The following PTN variants were observed in gnomAD, a reference collection of about 807,000 sequenced individuals.
The protein encoded by PTN is pleiotrophin, also known as heparin affin regulatory protein.
In PTN, 18 loss-of-function variants were observed where a neutral mutation model predicts 24.1. That is an observed-to-expected ratio of 0.75 (90% CI 0.52 to 1.11). PTN has a LOEUF of 1.11. PTN is among the 50% of genes least tolerant of loss of function. The pLI is 0.00. For missense variants in PTN, 163 were observed against 198.8 expected (o/e 0.82, Z 1.08); for synonymous variants, 78 against 68.6 (o/e 1.14, Z -0.67).
chr7:137,235,351 C>T (rs1808500902), intron 4 of PTN, among the ~76,000 whole-genome samples: 2 of 152,258 alleles, frequency 1.3e-5, no homozygotes, highest in East Asian at 3.9e-4. Flanking sequence ...GAATTGTGAA[C>T]ATACAGCTCA....
chr7:137,294,248 A>G (rs1044520124), intron 1 of PTN, among the ~76,000 whole-genome samples: 1 of 152,068 alleles, frequency 6.6e-6, no homozygotes, highest in African/African-American at 2.4e-5. Context: ...GGTGTTGAAT[A>G]CAGTCTGCTT....
chr7:137,330,162 C>A (rs553485882), intron 1 of PTN, among the ~76,000 whole-genome samples: 11 of 152,120 alleles, frequency 7.2e-5, no homozygotes, highest in Non-Finnish European at 1.3e-4. Context: ...TAACATGGGC[C>A]TGTAATCCCA....
At chr7:137,320,969 A>G (rs1179953715) in intron 1 of PTN, among the ~76,000 whole-genome samples, 1 of 152,164 alleles carries the variant, frequency 6.6e-6, no homozygotes, top group Non-Finnish European at 1.5e-5. Flanking sequence ...CACAGACTCA[A>G]AGTAAGCTTT....
chr7:137,274,365 A>AT lies in PTN; in HGVS notation c.-1-19392dup, dbSNP rs1003722356. Among the ~76,000 whole-genome samples the AT allele has an allele frequency of 7.2e-5, 11 of 151,882 alleles. No individual in the cohort carries two copies. In the East Asian group the frequency reaches 9.7e-4, roughly 13 times the overall value. On this transcript the variant is annotated intron_variant, in intron 1 of 4. Transcript: ENST00000348225. ...AGATACAATAGTGACACAGAACAGTATTTTTTTTTATATATACTTTAAGTT... is the reference window on the plus strand; with the variant it reads ...AGATACAATAGTGACACAGAACAGTATTTTTTTTTTATATATACTTTAAGTT...
intron 4 of PTN, among the ~76,000 whole-genome samples, chr7:137,244,240 T>C (rs2128869703): frequency 6.6e-6 from 1 of 152,272 alleles, no homozygotes; most frequent in Admixed American, 6.5e-5. Flanking sequence ...CCCAGAGTAA[T>C]ACTGCCTCCA....
At chr7:137,256,838 T>C (rs1401107105) in intron 1 of PTN, among the ~76,000 whole-genome samples, 1 of 151,734 alleles carries the variant, frequency 6.6e-6, no homozygotes, top group East Asian at 1.9e-4. Flanking sequence ...AAAAACCCCA[T>C]CAAAAACTGG....
At chr7:137,264,916 G>C (rs1250993825) in intron 1 of PTN, among the ~76,000 whole-genome samples, 1 of 151,858 alleles carries the variant, frequency 6.6e-6, no homozygotes, top group East Asian at 1.9e-4. Flanking sequence ...TGTTTTGAGA[G>C]ATAGGCCACT....
chr7:137,294,767 C>T (rs78377413), intron 1 of PTN, among the ~76,000 whole-genome samples: 16 of 152,092 alleles, frequency 1.1e-4, no homozygotes, highest in Non-Finnish European at 1.8e-4. Flanking sequence ...TAAAGATGTA[C>T]GCCATTTCCA....
At chr7:137,237,982 C>T (rs998855208) in intron 4 of PTN, among the ~76,000 whole-genome samples, 1 of 152,218 alleles carries the variant, frequency 6.6e-6, no homozygotes, top group Non-Finnish European at 1.5e-5. Context: ...TTGCCGCCTG[C>T]ATGCATGAAC....
intron 1 of PTN, among the ~76,000 whole-genome samples, chr7:137,264,645 T>C (rs1809105492): frequency 6.6e-6 from 1 of 152,228 alleles, no homozygotes. Flanking sequence ...CTGGGCTCTC[T>C]GATACCAGGA....
At chr7:137,319,337 T>G (rs1479982210) in intron 1 of PTN, among the ~76,000 whole-genome samples, 1 of 152,204 alleles carries the variant, frequency 6.6e-6, no homozygotes, top group African/African-American at 2.4e-5. Context: ...TGTGAGATAT[T>G]ACAAAGGGTA....
intron 1 of PTN, among the ~76,000 whole-genome samples, chr7:137,289,496 A>G (rs1274412705): frequency 6.6e-6 from 1 of 152,190 alleles, no homozygotes; most frequent in Non-Finnish European, 1.5e-5. Context: ...AAATCAGTCA[A>G]CCTTAAAATA....
chr7:137,327,061 G>A (rs753359070), intron 1 of PTN: 6 of 152,160 alleles, frequency 3.9e-5, no homozygotes, highest in East Asian at 1.9e-4. Context: ...TTTCACGGAC[G>A]TGACGGTATT....
At chr7:137,299,280 C>T (rs892247576) in intron 1 of PTN, among the ~76,000 whole-genome samples, 7 of 151,948 alleles carry the variant, frequency 4.6e-5, no homozygotes, top group African/African-American at 1.7e-4. Flanking sequence ...TTGTTGTTGT[C>T]AATGGTGGTG....
intron 1 of PTN, among the ~76,000 whole-genome samples, chr7:137,315,770 G>A (rs1173356809): frequency 6.6e-6 from 1 of 152,116 alleles, no homozygotes; most frequent in Non-Finnish European, 1.5e-5. Context: ...GGCGGCTTTG[G>A]AGCTGGGACA....
chr7:137,305,901 C>T (rs78696049), intron 1 of PTN, among the ~76,000 whole-genome samples: 2,218 of 152,144 alleles, frequency 0.015, 31 homozygotes, highest in Non-Finnish European at 0.025. Flanking sequence ...GAGATTCTAT[C>T]CATTGTCACT....
chr7:137,302,844 TA>T (rs1809828290), intron 1 of PTN, among the ~76,000 whole-genome samples: 1 of 151,980 alleles, frequency 6.6e-6, no homozygotes, highest in African/African-American at 2.4e-5. Context: ...TAGCTCAAAA[TA>T]ACTCAAAAGT....
At chr7:137,256,015 A>G (rs894150039) in intron 1 of PTN, among the ~76,000 whole-genome samples, 6 of 152,150 alleles carry the variant, frequency 3.9e-5, no homozygotes, top group Non-Finnish European at 7.4e-5. Flanking sequence ...GTGTTTCAAC[A>G]TTCTCTTTAG....
chr7:137,250,958 C>T (rs771399959), intron 4 of PTN, among the ~76,000 whole-genome samples: 25 of 152,182 alleles, frequency 1.6e-4, no homozygotes, highest in Non-Finnish European at 3.4e-4. Context: ...CATCATACAA[C>T]TGTCTTTGCT....
Sources: allele counts gnomAD v4.1 joint callset (sites outside exome capture counted in the v4.1 genomes callset), GRCh38; gene constraint gnomAD v4.1.1; transcripts MANE v1.5; gene names NCBI Gene and HGNC (gene_info 2026-07-23, HGNC 2026-07-21).